Variants in SGMS1 observed in about 807,000 individuals in gnomAD.
SGMS1 encodes the protein phosphatidylcholine:ceramide cholinephosphotransferase 1.
Under a neutral mutation model 46.2 loss-of-function variants are expected in SGMS1, and 13 were observed. The observed-to-expected ratio is 0.28, with a 90% CI of 0.18 to 0.45. The LOEUF (loss-of-function observed/expected upper bound fraction) is 0.45, where lower values mean the gene tolerates loss of function less well. Ranked by LOEUF, SGMS1 falls within the 20% of genes least tolerant of loss-of-function variation. The pLI is 1.00. For synonymous variants in SGMS1, 203 were observed against 187.8 expected, an observed-to-expected ratio of 1.08 and a Z score of -0.66; for missense variants, 324 against 519.9, an observed-to-expected ratio of 0.62 and a Z score of 3.66.
At chr10:50,436,254 G>A (rs935357877) in intron 5 of SGMS1, among the ~76,000 whole-genome samples, 7 of 152,036 alleles carry the variant, frequency 4.6e-5, no homozygotes, top group South Asian at 2.1e-4. Context: ...ACAGGTGCCC[G>A]CCACCATGCC....
At chr10:50,470,454 C>G (rs149698701) in intron 3 of SGMS1, among the ~76,000 whole-genome samples, 17 of 151,654 alleles carry the variant, frequency 1.1e-4, no homozygotes, top group South Asian at 2.1e-4. Flanking sequence ...TGGAGGAGAA[C>G]CTTTACTCTC....
intron 6 of SGMS1, among the ~76,000 whole-genome samples, chr10:50,421,277 T>G (rs1252175511): frequency 6.6e-6 from 1 of 152,200 alleles, no homozygotes; most frequent in Non-Finnish European, 1.5e-5. Context: ...GTCCACTCCT[T>G]GTTCCCCTAA....
At chr10:50,471,546 TG>T (rs1415277540) in intron 3 of SGMS1, among the ~76,000 whole-genome samples, 1 of 152,244 alleles carries the variant, frequency 6.6e-6, no homozygotes, top group East Asian at 1.9e-4. Flanking sequence ...CCTGGTTTAC[TG>T]GTGGAATTAG....
At chr10:50,512,062 G>A (rs1837760787) in intron 3 of SGMS1, among the ~76,000 whole-genome samples, 1 of 152,112 alleles carries the variant, frequency 6.6e-6, no homozygotes, top group African/African-American at 2.4e-5. Flanking sequence ...TCCATAGTAG[G>A]GCTTTGAGGG....
chr10:50,514,738 G>A (rs1837787398), intron 3 of SGMS1, among the ~76,000 whole-genome samples: 2 of 152,196 alleles, frequency 1.3e-5, no homozygotes, highest in Admixed American at 1.3e-4. Flanking sequence ...AACCACTGCT[G>A]TAGCATATAA....
chr10:50,419,318 G>A (rs1849224067), intron 6 of SGMS1, among the ~76,000 whole-genome samples: 3 of 152,136 alleles, frequency 2.0e-5, no homozygotes, highest in Non-Finnish European at 2.9e-5. Flanking sequence ...AAACTGGCTC[G>A]TAATTTTCAA....
At chr10:50,567,880 T>C (rs1310457176) in intron 2 of SGMS1, among the ~76,000 whole-genome samples, 2 of 152,228 alleles carry the variant, frequency 1.3e-5, no homozygotes, top group African/African-American at 2.4e-5. Context: ...TTTCCAGAAA[T>C]ATTAAATTTC....
At chr10:50,508,657 C>T (rs911193797) in intron 3 of SGMS1, among the ~76,000 whole-genome samples, 5 of 152,148 alleles carry the variant, frequency 3.3e-5, no homozygotes, top group Non-Finnish European at 7.3e-5. Context: ...TGGAAAGAAC[C>T]TCTTTGGGGC....
At chr10:50,425,825 T>C (rs1849318812) in intron 6 of SGMS1, among the ~76,000 whole-genome samples, 1 of 152,248 alleles carries the variant, frequency 6.6e-6, no homozygotes, top group Non-Finnish European at 1.5e-5. Flanking sequence ...GTCTGACATT[T>C]CTCATTACAT....
intron 2 of SGMS1, among the ~76,000 whole-genome samples, chr10:50,526,570 G>A (rs1837903247): frequency 6.6e-6 from 1 of 152,126 alleles, no homozygotes; most frequent in Non-Finnish European, 1.5e-5. Flanking sequence ...TGCTTTATGA[G>A]GTTTGAGAAA....
chr10:50,480,855 C>G (rs1264515425), intron 3 of SGMS1, among the ~76,000 whole-genome samples: 1 of 152,172 alleles, frequency 6.6e-6, no homozygotes, highest in Non-Finnish European at 1.5e-5. Context: ...CAGTTTGGAC[C>G]AAGAGGAATT....
intron 3 of SGMS1, among the ~76,000 whole-genome samples, chr10:50,513,481 C>T (rs2133776918): frequency 6.6e-6 from 1 of 152,268 alleles, no homozygotes; most frequent in South Asian, 2.1e-4. Context: ...CAAAACTGCC[C>T]TTCCCAACCA....
At chr10:50,461,875 T>C (rs1837270133) in intron 4 of SGMS1, among the ~76,000 whole-genome samples, 1 of 152,240 alleles carries the variant, frequency 6.6e-6, no homozygotes, top group Non-Finnish European at 1.5e-5. Context: ...TCATACTTTA[T>C]TCTATCTGTA....
intron 2 of SGMS1, among the ~76,000 whole-genome samples, chr10:50,520,200 G>C (rs2133787626): frequency 6.6e-6 from 1 of 152,084 alleles, no homozygotes; most frequent in African/African-American, 2.4e-5. Flanking sequence ...GACCAGCCTG[G>C]GCAATATAGC....
intron 1 of SGMS1, among the ~76,000 whole-genome samples, chr10:50,595,381 T>C (rs1202915112): frequency 2.6e-5 from 4 of 152,138 alleles, no homozygotes. Flanking sequence ...TTTCACTGTA[T>C]TAGTCAGGCT....
At chr10:50,506,360 T>A (rs1162215354) in intron 3 of SGMS1, among the ~76,000 whole-genome samples, 1 of 152,198 alleles carries the variant, frequency 6.6e-6, no homozygotes, top group Non-Finnish European at 1.5e-5. Flanking sequence ...CAATAAATAT[T>A]GGAGAAGGAA....
chr10:50,403,884 C>A (rs1001936931), intron 6 of SGMS1, among the ~76,000 whole-genome samples: 3 of 151,510 alleles, frequency 2.0e-5, no homozygotes, highest in African/African-American at 4.9e-5. Flanking sequence ...GAAAGTATGG[C>A]CAGATTTCCT....
At chr10:50,553,550 A>T (rs1838166675) in intron 2 of SGMS1, among the ~76,000 whole-genome samples, 1 of 152,134 alleles carries the variant, frequency 6.6e-6, no homozygotes, top group African/African-American at 2.4e-5. Flanking sequence ...ATATTCTTCT[A>T]TTTTCAGTTT....
intron 3 of SGMS1, among the ~76,000 whole-genome samples, chr10:50,504,026 A>G (rs1476800683): frequency 1.3e-5 from 2 of 152,232 alleles, no homozygotes; most frequent in Non-Finnish European, 2.9e-5. Flanking sequence ...TTTTATAAGC[A>G]TGTTCTACCT....
Sources: allele counts gnomAD v4.1 joint callset (sites outside exome capture counted in the v4.1 genomes callset), GRCh38; gene constraint gnomAD v4.1.1; transcripts MANE v1.5; gene names NCBI Gene and HGNC (gene_info 2026-07-23, HGNC 2026-07-21).